Variants in FOXJ3 observed in about 807,000 individuals in gnomAD.
FOXJ3 encodes the protein forkhead box J3, also known as forkhead box protein J3.
Under a neutral mutation model 76.1 loss-of-function variants are expected in FOXJ3, and 22 were observed. That is an observed-to-expected ratio of 0.29 (90% CI 0.21 to 0.41). FOXJ3 has a LOEUF of 0.41. Among genes scored for constraint, FOXJ3 ranks in the 10% least tolerant of loss-of-function variants. The pLI, the probability that FOXJ3 is intolerant of heterozygous loss-of-function variation, is 1.00. For synonymous variants in FOXJ3, 269 were observed against 261.2 expected (o/e 1.03, Z -0.29); for missense variants, 613 against 762.1 (o/e 0.80, Z 2.30).
In FOXJ3 at chr1:42,311,500, C is replaced by T. The variant is rs115081714; in HGVS notation, c.-17-390G>A. The stretch of plus-strand genomic sequence containing the variant: ...CTAGAGAGGTGCCCAAAAGCTACCA[C>T]AGAGTTAAGCATGCAAGGTTCCAAC... On this transcript the variant is annotated intron_variant, in intron 1 of 12. Coordinates refer to ENST00000361346, the MANE Select transcript of FOXJ3 (RefSeq NM_014947.5). Among the ~76,000 whole-genome samples, 632 of 152,276 alleles carry T rather than the reference C, an allele frequency of 4.2e-3. 3 individuals carry two copies. The highest frequency in any genetic ancestry group is 0.014 in the African/African-American group (589 of 41,548).
intron 2 of FOXJ3, among the ~76,000 whole-genome samples, chr1:42,299,476 A>G (rs1463303124): frequency 6.9e-5 from 10 of 145,602 alleles, no homozygotes; most frequent in African/African-American, 2.5e-4. Flanking sequence ...CACCTCTTTG[A>G]GTCTGTAACT....
rs184968380 is a variant in FOXJ3, at chr1:42,229,782, G to A, written c.445-1816C>T. 3.3e-3 allele frequency among the ~76,000 whole-genome samples: 509 copies of A among 152,230 alleles called. 8 individuals are homozygous for A. Among genetic ancestry groups the A allele is most frequent in the Non-Finnish European group, 4.1e-3 (279 of 68,000 alleles). On this transcript the variant is annotated intron_variant, in intron 4 of 12. Coordinates refer to ENST00000361346, the MANE Select transcript of FOXJ3 (RefSeq NM_014947.5). ...CTAGCAAGTTTCAGAATAAATGCAA[G>A]GGGGAAAAATTTTATACTGAGTTCT...
intron 8 of FOXJ3, among the ~76,000 whole-genome samples, chr1:42,193,646 A>T (rs887039927): frequency 6.6e-6 from 1 of 152,206 alleles, no homozygotes; most frequent in Non-Finnish European, 1.5e-5. Flanking sequence ...ACATCAGTAT[A>T]CATCAATATA....
chr1:42,232,055 T>G (rs1648190332), intron 4 of FOXJ3, among the ~76,000 whole-genome samples: 1 of 152,194 alleles, frequency 6.6e-6, no homozygotes, highest in African/African-American at 2.4e-5. Flanking sequence ...GGTGTTTGGT[T>G]TTTTGTCCTT....
rs560123942 is a variant in FOXJ3, at chr1:42,177,082, G to T, written c.*2628C>A. ...TTAAGCCCAAGACAGAACTTGTTCT[G>T]CATTAGCAACTACCATACAAAATGG... is the stretch of plus-strand genomic sequence containing the variant. On this transcript the variant is annotated 3_prime_UTR_variant, in exon 13 of 13. Transcript: ENST00000361346. 1.3e-5 allele frequency: 2 copies of T among 152,504 alleles called. No homozygotes were observed. The highest frequency in any genetic ancestry group is 2.9e-5 in the Non-Finnish European group (2 of 68,032). 9.4% of individuals were successfully genotyped at this position (152,504 alleles called of 1,614,324 possible).
At chr1:42,185,252 A>ATT (rs36007346) in intron 11 of FOXJ3, among the ~76,000 whole-genome samples, 2,460 of 108,202 alleles carry the variant, frequency 0.023, 199 homozygotes, top group African/African-American at 0.08. Context: ...AACATACTGA[A>ATT]TTTTTTTTTT....
intron 2 of FOXJ3, among the ~76,000 whole-genome samples, chr1:42,298,947 GT>G (rs1203369632): frequency 6.6e-6 from 1 of 152,164 alleles, no homozygotes; most frequent in Non-Finnish European, 1.5e-5. Context: ...TACTTGAATA[GT>G]TTTAAGAGTC....
intron 4 of FOXJ3, among the ~76,000 whole-genome samples, chr1:42,230,740 T>C (rs554152050): frequency 3.3e-5 from 5 of 152,270 alleles, no homozygotes; most frequent in South Asian, 2.1e-4. Context: ...ACTGAAACTC[T>C]TATGCACTAC....
At chr1:42,246,539 T>G (rs1649568324) in intron 4 of FOXJ3, among the ~76,000 whole-genome samples, 1 of 151,520 alleles carries the variant, frequency 6.6e-6, no homozygotes, top group African/African-American at 2.4e-5. Flanking sequence ...TAACAGACAC[T>G]GAAGAGGATG....
At chr1:42,295,730 T>C (rs1242636497) in intron 2 of FOXJ3, among the ~76,000 whole-genome samples, 1 of 152,154 alleles carries the variant, frequency 6.6e-6, no homozygotes, top group Non-Finnish European at 1.5e-5. Context: ...GGTTTCACGA[T>C]GTTGGCCAGG....
In FOXJ3 at chr1:42,250,909, C is replaced by T. The variant is rs1035595914; in HGVS notation, c.444+14206G>A. Among the ~76,000 whole-genome samples the T allele has an allele frequency of 5.3e-4, 46 of 87,266 alleles. 1 individual carries two copies. The highest frequency in any genetic ancestry group is 1.2e-3 in the Non-Finnish European group (41 of 35,098). The allele number at this position is 87,266 out of a possible 152,430, so 57.2% of individuals were successfully genotyped here. A position where few individuals can be genotyped will look rare whatever the true frequency, so the allele number is the denominator to read the frequency against. Reference sequence around the variant, plus strand: ...AATAGATAAGTAGAAACTAACAAACCTGAAGAACAAAAAGATGAGAAAAAT... The same window carrying T: ...AATAGATAAGTAGAAACTAACAAACTTGAAGAACAAAAAGATGAGAAAAAT... On this transcript the variant is annotated intron_variant, in intron 4 of 12. Coordinates refer to ENST00000361346, the MANE Select transcript of FOXJ3 (RefSeq NM_014947.5).
intron 1 of FOXJ3, among the ~76,000 whole-genome samples, chr1:42,324,391 TACTA>T (rs1279589203): frequency 1.4e-5 from 2 of 147,446 alleles, no homozygotes; most frequent in East Asian, 3.9e-4. Flanking sequence ...AACATATAAA[TACTA>T]TATATACTAT....
chr1:42,262,125 C>CT (rs370692899), intron 4 of FOXJ3, among the ~76,000 whole-genome samples: 14 of 152,320 alleles, frequency 9.2e-5, no homozygotes, highest in African/African-American at 3.1e-4. Flanking sequence ...GAAAGACATA[C>CT]TTGCCACTAA....
At position 42,227,891 on chromosome 1, in the gene FOXJ3, C is replaced by A. The variant is rs1647702228; in HGVS notation, c.520G>T (p.Val174Leu). ...PTRPKKRARS[V>L]ERASTPYSID... ...TGATAAAGAGCCTTTACCCGTTCTA[C>A]AGATCGTGCCCTCTTCTTTGGCCGA... is the stretch of plus-strand genomic sequence containing the variant. The change falls in exon 5 of 13, where the codon GTA becomes TTA. Residue 174 changes from valine (V) to leucine (L), a missense_variant. This residue lies in a region of FOXJ3 where 526 missense variants were observed against 601.4 expected (regional missense o/e 0.87). Coordinates refer to ENST00000361346, the MANE Select transcript of FOXJ3 (RefSeq NM_014947.5). 1 of 1,561,032 alleles carries A rather than the reference C, an allele frequency of 6.4e-7. No individual in the cohort carries two copies. Among genetic ancestry groups the A allele is most frequent in the African/African-American group, 1.3e-5 (1 of 74,478 alleles).
At chr1:42,266,428 C>A (rs1651469838) in intron 3 of FOXJ3, among the ~76,000 whole-genome samples, 2 of 152,102 alleles carry the variant, frequency 1.3e-5, no homozygotes, top group Admixed American at 1.3e-4. Context: ...GGCAACCAAA[C>A]CACATTCCTA....
chr1:42,192,566 G>C (rs569299732), intron 8 of FOXJ3, among the ~76,000 whole-genome samples: 1 of 152,202 alleles, frequency 6.6e-6, no homozygotes, highest in African/African-American at 2.4e-5. Flanking sequence ...TGCAGGATGA[G>C]CTCTGTAAAT....
intron 4 of FOXJ3, among the ~76,000 whole-genome samples, chr1:42,244,449 C>T (rs1649381269): frequency 6.6e-6 from 1 of 152,106 alleles, no homozygotes; most frequent in African/African-American, 2.4e-5. Context: ...TCCTGGAGTT[C>T]ATGGCTGCAA....
intron 5 of FOXJ3, among the ~76,000 whole-genome samples, chr1:42,219,287 C>G (rs1647132421): frequency 6.6e-6 from 1 of 152,214 alleles, no homozygotes. Context: ...TATACACTAC[C>G]AGCAGCCCTC....
At chr1:42,194,832 A>C in intron 8 of FOXJ3, 58 bp downstream of exon 8, 1 of 1,118,358 alleles carries the variant, frequency 8.9e-7, no homozygotes, top group Non-Finnish European at 1.3e-6. Context: ...ATGTGAAATA[A>C]TTTAAAAACC....
Sources: allele counts gnomAD v4.1 joint callset (sites outside exome capture counted in the v4.1 genomes callset), GRCh38; gene constraint gnomAD v4.1.1; regional missense constraint gnomAD v4.1.1; transcripts MANE v1.5; gene names NCBI Gene and HGNC (gene_info 2026-07-23, HGNC 2026-07-21).